PTK2: variants seen among roughly 807,000 people sequenced by gnomAD.
PTK2 encodes the protein focal adhesion kinase 1.
A neutral mutation model predicts 150.1 loss-of-function variants in PTK2; 45 were observed. That is an observed-to-expected ratio of 0.30 (90% CI 0.24 to 0.38). PTK2 has a LOEUF of 0.38. PTK2 is among the 10% of genes least tolerant of loss of function. The probability of loss-of-function intolerance (pLI) is 1.00; values close to 1 mark genes in which losing one functional copy is unlikely to be tolerated. For synonymous variants in PTK2, 432 were observed against 449.2 expected, an observed-to-expected ratio of 0.96 and a Z score of 0.48; for missense variants, 919 against 1,307.3, an observed-to-expected ratio of 0.70 and a Z score of 4.58.
intron 7 of PTK2, chr8:140,833,139 G>T: frequency 2.1e-6 from 1 of 486,216 alleles, no homozygotes; most frequent in Non-Finnish European, 4.1e-6. Flanking sequence ...CGAATACTAG[G>T]TATTGCTTTT....
At chr8:140,835,248 A>C (rs945262386) in intron 7 of PTK2, among the ~76,000 whole-genome samples, 9 of 152,256 alleles carry the variant, frequency 5.9e-5, no homozygotes, top group Non-Finnish European at 1.3e-4. Flanking sequence ...AACTAAGCTT[A>C]TTATAAGCAC....
chr8:140,905,773 T>C (rs2100160637), intron 2 of PTK2, among the ~76,000 whole-genome samples: 1 of 152,050 alleles, frequency 6.6e-6, no homozygotes, highest in Non-Finnish European at 1.5e-5. Flanking sequence ...TAATTGAAAG[T>C]AAAATACTCC....
chr8:140,737,684 A>AACT (rs2100053381), intron 21 of PTK2, among the ~76,000 whole-genome samples: 1 of 152,244 alleles, frequency 6.6e-6, no homozygotes, highest in Admixed American at 6.5e-5. Flanking sequence ...AAGCAAGGAC[A>AACT]ACTACATTAA....
intron 5 of PTK2, among the ~76,000 whole-genome samples, chr8:140,852,089 A>G (rs1443490168): frequency 6.6e-6 from 1 of 152,202 alleles, no homozygotes; most frequent in Non-Finnish European, 1.5e-5. Context: ...AGTTTTGAAT[A>G]TCAGGGCATT....
intron 1 of PTK2, among the ~76,000 whole-genome samples, chr8:140,928,993 T>C (rs1357765332): frequency 5.3e-5 from 6 of 113,314 alleles, no homozygotes; most frequent in African/African-American, 2.1e-4. Flanking sequence ...TGAGACGGAG[T>C]CTCGCTCTGT....
At chr8:140,934,701 C>T (rs981588053) in intron 1 of PTK2, 1 of 152,182 alleles carries the variant, frequency 6.6e-6, no homozygotes, top group East Asian at 1.9e-4. Context: ...TGCTAAACGG[C>T]CTCAAAAGTT....
chr8:140,822,656 A>C (rs2100109474), intron 8 of PTK2, among the ~76,000 whole-genome samples: 1 of 152,166 alleles, frequency 6.6e-6, no homozygotes, highest in Non-Finnish European at 1.5e-5. Flanking sequence ...AACAACCACC[A>C]CATCCCTATG....
intron 1 of PTK2, among the ~76,000 whole-genome samples, chr8:140,979,683 G>GA (rs1402002979): frequency 1.3e-5 from 2 of 152,204 alleles, no homozygotes; most frequent in Non-Finnish European, 1.5e-5. Flanking sequence ...TTGTGGCAGG[G>GA]ACCGGTGGGA....
rs188922761 is a variant in PTK2, at chr8:140,841,341, G to C, written c.593+4919C>G. Among the ~76,000 whole-genome samples, 1,179 of 152,116 alleles carry C rather than the reference G, an allele frequency of 7.8e-3. 8 individuals carry two copies. Among genetic ancestry groups the C allele is most frequent in the Middle Eastern group, 0.014 (4 of 294 alleles). On this transcript the variant is annotated intron_variant, in intron 7 of 31. Coordinates refer to ENST00000522684, the Ensembl canonical transcript of PTK2. ...ACTAGGGGAAAATGATCTTATTCTAGGGTCCACAAAAGAAGTCTCCATAAA... is the reference window on the plus strand; with the variant it reads ...ACTAGGGGAAAATGATCTTATTCTACGGTCCACAAAAGAAGTCTCCATAAA...
At chr8:140,702,627 T>G in exon 25 of PTK2, 1 of 1,614,118 alleles carries the variant, frequency 6.2e-7, no homozygotes, top group Admixed American at 1.7e-5. Flanking sequence ...ATGAATCTGT[T>G]TGGTCCAAAA....
intron 1 of PTK2, among the ~76,000 whole-genome samples, chr8:140,952,740 C>A (rs2100179930): frequency 6.6e-6 from 1 of 152,194 alleles, no homozygotes. Flanking sequence ...ATGAACCTAT[C>A]TGTCCTCCAT....
At position 140,864,419 on chromosome 8, in the gene PTK2, CAG is replaced by C. The variant is rs1567772544; in HGVS notation, c.363-22_363-21del. On this transcript the variant is annotated intron_variant, in intron 4 of 31. Coordinates refer to ENST00000522684, the Ensembl canonical transcript of PTK2. ...TCATATCTAAAAATAATTCACAAAACAGAACAATTAGAAATCAGTCATTTTCT... is the reference window on the plus strand; with the variant it reads ...TCATATCTAAAAATAATTCACAAAACAACAATTAGAAATCAGTCATTTTCT... 1 of 1,404,246 alleles carries C rather than the reference CAG, an allele frequency of 7.1e-7. No homozygotes were observed. Among genetic ancestry groups the C allele is most frequent in the Non-Finnish European group, 9.9e-7 (1 of 1,006,460 alleles). The allele number at this position is 1,404,246 out of a possible 1,614,324, so 87.0% of individuals were successfully genotyped here. A position where few individuals can be genotyped will look rare whatever the true frequency, so the allele number is the denominator to read the frequency against.
intron 18 of PTK2, among the ~76,000 whole-genome samples, chr8:140,746,137 G>T (rs1242409765): frequency 6.6e-6 from 1 of 152,156 alleles, no homozygotes; most frequent in Admixed American, 6.6e-5. Flanking sequence ...CTCAAGACCA[G>T]CCTAGGCAAC....
chr8:140,776,349 ACTGT>A (rs2100078455), intron 14 of PTK2, among the ~76,000 whole-genome samples: 1 of 152,222 alleles, frequency 6.6e-6, no homozygotes, highest in African/African-American at 2.4e-5. Flanking sequence ...CAATTTAAGA[ACTGT>A]CTGTTCTTTT....
At chr8:140,925,742 A>T in exon 2 of PTK2, 1 of 782,948 alleles carries the variant, frequency 1.3e-6, no homozygotes, top group African/African-American at 1.9e-5. Flanking sequence ...AGGGAGCCCC[A>T]GTTCTGCCTG....
At chr8:140,679,011 T>G (rs1431047150) in intron 27 of PTK2, among the ~76,000 whole-genome samples, 9 of 23,850 alleles carry the variant, frequency 3.8e-4, no homozygotes, top group African/African-American at 6.0e-4. Context: ...ATGTTTTTTT[T>G]TTTTTTTTTT....
intron 23 of PTK2, among the ~76,000 whole-genome samples, chr8:140,707,888 C>T (rs952862146): frequency 6.6e-6 from 1 of 152,172 alleles, no homozygotes; most frequent in East Asian, 1.9e-4. Flanking sequence ...TTGACTACTT[C>T]CCGGTTGCGT....
intron 14 of PTK2, among the ~76,000 whole-genome samples, chr8:140,783,387 T>C (rs1172623310): frequency 6.6e-6 from 1 of 152,230 alleles, no homozygotes; most frequent in African/African-American, 2.4e-5. Context: ...TATTTCTTTA[T>C]GTGTAAAGTG....
intron 13 of PTK2, among the ~76,000 whole-genome samples, chr8:140,792,679 A>G (rs1252331025): frequency 6.6e-6 from 1 of 152,236 alleles, no homozygotes; most frequent in East Asian, 1.9e-4. Flanking sequence ...GGGACTGGCT[A>G]TGGAGAAGAA....
Sources: allele counts gnomAD v4.1 joint callset (sites outside exome capture counted in the v4.1 genomes callset), GRCh38; gene constraint gnomAD v4.1.1; transcripts MANE v1.5; gene names NCBI Gene and HGNC (gene_info 2026-07-23, HGNC 2026-07-21).